DHRS4L2: variants seen among roughly 807,000 people sequenced by gnomAD.
DHRS4L2 encodes the protein dehydrogenase/reductase SDR family member 4-like 2.
DHRS4L2 carries 22 observed loss-of-function variants against 23.9 expected under a neutral mutation model. That is an observed-to-expected ratio of 0.92 (90% CI 0.66 to 1.31). DHRS4L2 has a LOEUF of 1.31. Ranked by LOEUF, DHRS4L2 falls within the 40% of genes most tolerant of loss-of-function variation. DHRS4L2 has a pLI of 0.00. For missense variants in DHRS4L2, 385 were observed against 303.3 expected, an observed-to-expected ratio of 1.27 and a Z score of -2.00; for synonymous variants, 141 against 123.7, an observed-to-expected ratio of 1.14 and a Z score of -0.93.
At chr14:23,984,841 C>T (rs1341390202), upstream of DHRS4L2, among the ~76,000 whole-genome samples, 1 of 147,904 alleles carries the variant, frequency 6.8e-6, no homozygotes, top group Non-Finnish European at 1.5e-5. Context: ...TAAAATGCCA[C>T]AGTCCTTGGT....
chr14:23,983,735 C>A (rs892326490), intron 1 of DHRS4L2, among the ~76,000 whole-genome samples: 4 of 151,588 alleles, frequency 2.6e-5, no homozygotes, highest in African/African-American at 9.7e-5. Flanking sequence ...TTTGCAGGGA[C>A]ATGGATGAAG....
intron 3 of DHRS4L2, 53 bp from the exon 4 acceptor site, chr14:24,000,810 C>T (rs1324577056): frequency 1.3e-5 from 20 of 1,497,994 alleles, no homozygotes; most frequent in African/African-American, 2.9e-5. Context: ...TTTTTTCATG[C>T]CTCCTCCAGT....
chr14:23,992,156 T>C (rs1371677882), intron 2 of DHRS4L2, among the ~76,000 whole-genome samples: 1 of 151,676 alleles, frequency 6.6e-6, no homozygotes, highest in Admixed American at 6.6e-5. Flanking sequence ...GAAAGATGGT[T>C]ATTAGGAAAG....
At chr14:23,990,061 G>T in intron 1 of DHRS4L2, 121 bp from the exon 2 acceptor site, 4 of 1,471,242 alleles carry the variant, frequency 2.7e-6, no homozygotes, top group Non-Finnish European at 3.7e-6. Flanking sequence ...GTAGGCACAC[G>T]TAGGAGTTAT....
chr14:23,985,412 C>A (rs1451358580), upstream of DHRS4L2, among the ~76,000 whole-genome samples: 1 of 151,650 alleles, frequency 6.6e-6, no homozygotes, highest in Non-Finnish European at 1.5e-5. Context: ...AATCCCACAC[C>A]AGCCCTTCCA....
rs2760088 is a variant in DHRS4L2, at chr14:23,977,438, T to C, written c.-176+7106T>C. Among the ~76,000 whole-genome samples, 9 of 151,684 alleles carry C rather than the reference T, an allele frequency of 5.9e-5. 1 individual carries two copies. The highest frequency in any genetic ancestry group is 9.7e-5 in the African/African-American group (4 of 41,218). ...CGACCTAAAGTGTGTTACCATTTTA[T>C]CACTGAGCTTAAGCCACCACCAAAG... On this transcript the variant is annotated intron_variant, in intron 1 of 5. Coordinates refer to the DHRS4L2 transcript ENST00000534993.
chr14:23,973,713 T>C (rs944690992), intron 1 of DHRS4L2, among the ~76,000 whole-genome samples: 2 of 151,752 alleles, frequency 1.3e-5, no homozygotes, highest in Admixed American at 1.3e-4. Flanking sequence ...ATCCTAAATA[T>C]ATATGCACCC....
At chr14:23,990,452 T>C (rs2034247734) in intron 2 of DHRS4L2, 93 bp downstream of exon 2, 1 of 1,465,668 alleles carries the variant, frequency 6.8e-7, no homozygotes, top group Admixed American at 2.6e-5. Context: ...CAGCACATTT[T>C]TACTGTGTGC....
chr14:23,992,071 G>A (rs1159144197), intron 2 of DHRS4L2, among the ~76,000 whole-genome samples: 1 of 151,626 alleles, frequency 6.6e-6, no homozygotes, highest in Admixed American at 6.6e-5. Flanking sequence ...GACCTTAAAA[G>A]GATATGGCCT....
upstream of DHRS4L2, among the ~76,000 whole-genome samples, chr14:23,986,509 A>T (rs1183634713): frequency 0.02 from 1,445 of 72,612 alleles, 34 homozygotes; most frequent in African/African-American, 0.055. Context: ...AAGTATAATA[A>T]AAAAAAAAAA....
At chr14:24,001,264 T>C (rs117385063) in intron 5 of DHRS4L2, 120 bp from the exon 6 acceptor site, 33,903 of 1,564,390 alleles carry the variant, frequency 0.022, 1,130 homozygotes, top group Non-Finnish European at 0.024. Flanking sequence ...ACAAGACAGT[T>C]TCCTAACTCT....
At chr14:23,988,847 A>G, upstream of DHRS4L2, 1 of 1,470,008 alleles carries the variant, frequency 6.8e-7, no homozygotes, top group Non-Finnish European at 9.0e-7. Context: ...GAGGGCGGGA[A>G]GGGGGCAGGC....
chr14:23,988,758 G>T, upstream of DHRS4L2: 7 of 1,388,620 alleles, frequency 5.0e-6, no homozygotes, highest in Non-Finnish European at 6.5e-6. Flanking sequence ...CCAGTCAGGC[G>T]GAAGGTAGCT....
rs370529426 is a variant in DHRS4L2 at position 24,000,983 on chromosome 14, G to A, written c.479+50G>A. On this transcript the variant is annotated intron_variant, in intron 4 of 7. Transcript: ENST00000335125. Reference sequence around the variant, plus strand: ...GGTGAGAGGGGACCCCACACAGGCTGAGGGCAGTGGTCCACACTGGGAAGA... The same window carrying A: ...GGTGAGAGGGGACCCCACACAGGCTAAGGGCAGTGGTCCACACTGGGAAGA... The A allele has an allele frequency of 8.6e-5, 139 of 1,611,446 alleles. 9 individuals carry two copies. The African/African-American group carries it at 1.6e-3, about 19-fold the overall frequency.
At chr14:23,988,525 G>A (rs1438513214), upstream of DHRS4L2, among the ~76,000 whole-genome samples, 1 of 150,976 alleles carries the variant, frequency 6.6e-6, no homozygotes, top group Non-Finnish European at 1.5e-5. Flanking sequence ...CCTGTGGGCT[G>A]TCACATACAT....
chr14:24,001,664 T>G, intron 6 of DHRS4L2, 147 bp downstream of exon 6: 1 of 1,237,662 alleles, frequency 8.1e-7, no homozygotes, highest in Non-Finnish European at 1.1e-6. Context: ...CTGTACCACC[T>G]GCCCTATACA....
chr14:24,001,585 G>C, intron 6 of DHRS4L2, 68 bp downstream of exon 6: 8 of 1,570,518 alleles, frequency 5.1e-6, no homozygotes, highest in Non-Finnish European at 6.9e-6. Context: ...GGACAGGGAA[G>C]CCCACTACCT....
In DHRS4L2 at chr14:24,006,155, A is replaced by G; in HGVS notation, c.*292A>G. The stretch of plus-strand genomic sequence containing the variant: ...AAAGATCCAGCCTTCCCTGCCGTCA[A>G]GGTGGCGTCTTACTCGGGATTCCTG... On this transcript the variant is annotated 3_prime_UTR_variant, in exon 8 of 8. Transcript: ENST00000335125. The G allele has an allele frequency of 7.5e-7, 1 of 1,339,376 alleles. No homozygotes were observed. The highest frequency in any genetic ancestry group is 9.9e-7 in the Non-Finnish European group (1 of 1,013,126). The allele number at this position is 1,339,376 out of a possible 1,614,324, so 83.0% of individuals were successfully genotyped here. A position where few individuals can be genotyped will look rare whatever the true frequency, so the allele number is the denominator to read the frequency against.
chr14:23,990,284 G>C lies in DHRS4L2; in HGVS notation c.231G>C (p.Gln77His). ...QNVDQAVATL[Q>H]GEGLSVTGTV... is the part of the protein sequence containing the mutation. ...TGGACCAGGCGGTGGCCACGCTGCA[G>C]GGGGAGGGGCTGAGCGTGACGGGCA... Residue 77 changes from glutamine (Q) to histidine (H), a missense_variant, in exon 2 of 8, where the codon CAG (glutamine) becomes CAC (histidine). Physicochemically the swap from Gln to His is conservative, Grantham distance 24 (BLOSUM62 0). Coordinates refer to ENST00000335125, the MANE Select transcript of DHRS4L2 (RefSeq NM_198083.4). The C allele has an allele frequency of 6.2e-7, 1 of 1,612,442 alleles. No homozygotes were observed. The highest frequency in any genetic ancestry group is 8.5e-7 in the Non-Finnish European group (1 of 1,179,224).
Sources: gnomAD v4.1 joint callset for allele counts (sites outside exome capture counted in the v4.1 genomes callset) on GRCh38, gnomAD v4.1.1 for gene constraint, MANE v1.5 for transcripts, NCBI Gene and HGNC (gene_info 2026-07-23, HGNC 2026-07-21) for gene names.